The following PRPF39 variants were observed in gnomAD, a reference collection of about 807,000 sequenced individuals.
PRPF39 encodes pre-mRNA-processing factor 39.
PRPF39 carries 27 observed loss-of-function variants against 82.1 expected under a neutral mutation model. The observed-to-expected ratio is 0.33, with a 90% CI of 0.24 to 0.45. PRPF39 has a LOEUF of 0.45. Ranked by LOEUF, PRPF39 falls within the 20% of genes least tolerant of loss-of-function variation. The pLI, the probability that PRPF39 is intolerant of heterozygous loss-of-function variation, is 1.00. For synonymous variants in PRPF39, 261 were observed against 256.4 expected, an observed-to-expected ratio of 1.02 and a Z score of -0.17; for missense variants, 581 against 796.9, an observed-to-expected ratio of 0.73 and a Z score of 3.26.
chr14:45,110,010 A>G lies in PRPF39; in HGVS notation c.1177-84A>G. 6.3e-7 allele frequency: 1 copy of G among 1,596,480 alleles called. No individual in the cohort carries two copies. The highest frequency in any genetic ancestry group is 8.5e-7 in the Non-Finnish European group (1 of 1,170,498). ...TCAATAAAGGTGCTGAATGGGTTTAAAAATAGAATTTTATCGTTCTGTCAC... is the reference window on the plus strand; with the variant it reads ...TCAATAAAGGTGCTGAATGGGTTTAGAAATAGAATTTTATCGTTCTGTCAC... On this transcript the variant is annotated intron_variant, in intron 8 of 13. Coordinates refer to ENST00000355765, the MANE Select transcript of PRPF39 (RefSeq NM_017922.4). This position sits in a 1 kb window ranked among gnomAD's most constrained non-coding sequence, Gnocchi z 4.0.
Position 45,110,326 on chromosome 14 carries a change from T to C in PRPF39, c.1303+106T>C, listed in dbSNP as rs1372230661. ...TGGTGTAAAGCAGAGTTTGGCAAAC[T>C]TTTTCTCTAAAGGGCCAGATAGTAA... On this transcript the variant is annotated intron_variant, in intron 9 of 13. Coordinates refer to ENST00000355765, the MANE Select transcript of PRPF39 (RefSeq NM_017922.4). The surrounding 1 kb of genome is among the most constrained non-coding windows in gnomAD (Gnocchi z 4.0). 1.4e-6 allele frequency: 2 copies of C among 1,452,860 alleles called. No individual in the cohort carries two copies. The highest frequency in any genetic ancestry group is 1.9e-6 in the Non-Finnish European group (2 of 1,079,134). 90.0% of individuals were successfully genotyped at this position (1,452,860 alleles called of 1,614,324 possible). A position where few individuals can be genotyped will look rare whatever the true frequency, so the allele number is the denominator to read the frequency against.
At chr14:45,104,869 C>A (rs1392265595) in intron 5 of PRPF39, among the ~76,000 whole-genome samples, 6 of 152,136 alleles carry the variant, frequency 3.9e-5, no homozygotes, top group Non-Finnish European at 7.4e-5. Context: ...TTTCCTCTTT[C>A]CACTTGTCTA....
rs1884607263 is a variant in PRPF39 at position 45,108,547 on chromosome 14, T to C, written c.1011+25T>C. ...TGTAAGTGTTTTTGTTTTGTAATAG[T>C]CTTTAAAATACAAAGTAGGAATAAT... On this transcript the variant is annotated intron_variant, in intron 7 of 13. Transcript: ENST00000355765. 10 of 1,568,940 alleles carry C rather than the reference T, an allele frequency of 6.4e-6. No homozygotes were observed. In the East Asian group the frequency reaches 2.3e-4, roughly 36 times the overall value.
chr14:45,087,759 T>A (rs113824160), intron 1 of PRPF39, among the ~76,000 whole-genome samples: 7,938 of 148,886 alleles, frequency 0.053, 731 homozygotes, highest in African/African-American at 0.19. Context: ...TTTTTTTTTT[T>A]TGTATTTTTA....
At chr14:45,112,845 A>G (rs1462760481) in intron 11 of PRPF39, among the ~76,000 whole-genome samples, 1 of 152,228 alleles carries the variant, frequency 6.6e-6, no homozygotes, top group Non-Finnish European at 1.5e-5. Flanking sequence ...ATATAGGTCA[A>G]TAAAGATGGA....
rs757646143 is a variant in PRPF39, at chr14:45,114,910, C to G, written c.2007C>G (p.Thr669=). 1.9e-5 allele frequency: 30 copies of G among 1,591,820 alleles called. No individual in the cohort carries two copies. In the Admixed American group the frequency reaches 2.2e-4, roughly 12 times the overall value. ...NYGQYYPPPP[T] ...GACAATATTATCCTCCCCCTCCAAC[C>G]TGATGGGAAAAATGTAAATTTCAAA... The change falls in exon 14 of 14, where the codon ACC becomes ACG. Residue 669 remains threonine, a synonymous_variant. Transcript: ENST00000355765.
chr14:45,098,130 T>C (rs1317728070), intron 4 of PRPF39, among the ~76,000 whole-genome samples: 1 of 152,056 alleles, frequency 6.6e-6, no homozygotes, highest in African/African-American at 2.4e-5. Flanking sequence ...AATCCATAAA[T>C]AAGGATGGGC....
intron 2 of PRPF39, 74 bp from the exon 3 acceptor site, chr14:45,096,029 C>T (rs1436532565): frequency 7.7e-7 from 1 of 1,300,310 alleles, no homozygotes; most frequent in Non-Finnish European, 1.1e-6. Context: ...TAGATAATAA[C>T]GTTTGAAAGG....
At position 45,109,917 on chromosome 14, in the gene PRPF39, T is replaced by G. The variant is rs1055501163; in HGVS notation, c.1176+137T>G. ...AGGAGATGGTCTGCTTGCAACCAGA[T>G]TTGACTGCTGCATATGCCAACCTCG... On this transcript the variant is annotated intron_variant, in intron 8 of 13. Transcript: ENST00000355765. The G allele has an allele frequency of 7.9e-6, 12 of 1,517,854 alleles. No individual in the cohort carries two copies. The Admixed American group carries it at 2.7e-4, about 34-fold the overall frequency. 94.0% of individuals were successfully genotyped at this position (1,517,854 alleles called of 1,614,324 possible).
At chr14:45,094,821 A>G (rs968685966) in intron 1 of PRPF39, among the ~76,000 whole-genome samples, 1 of 152,192 alleles carries the variant, frequency 6.6e-6, no homozygotes, top group Non-Finnish European at 1.5e-5. Flanking sequence ...AGCCTCCAGA[A>G]CAGTTGTTAA....
At chr14:45,096,349 A>G (rs1016617447) in intron 3 of PRPF39, 121 bp downstream of exon 3, 21 of 1,526,630 alleles carry the variant, frequency 1.4e-5, no homozygotes, top group East Asian at 5.1e-5. Context: ...TGGTCAAACA[A>G]TTTTTATAGG....
At chr14:45,086,088 T>G (rs923807479) in intron 1 of PRPF39, among the ~76,000 whole-genome samples, 9 of 152,108 alleles carry the variant, frequency 5.9e-5, no homozygotes, top group Non-Finnish European at 1.0e-4. Flanking sequence ...GGATTACAGA[T>G]GCGCGCCACC....
chr14:45,090,489 T>C (rs1883986899), intron 1 of PRPF39, among the ~76,000 whole-genome samples: 1 of 152,222 alleles, frequency 6.6e-6, no homozygotes, highest in African/African-American at 2.4e-5. Context: ...TCATTCTGTG[T>C]CTCTCTTATC....
chr14:45,094,030 CT>C, intron 1 of PRPF39, among the ~76,000 whole-genome samples: 1 of 152,020 alleles, frequency 6.6e-6, no homozygotes, highest in African/African-American at 2.4e-5. Flanking sequence ...AGATATAGGT[CT>C]TTTTTATGTT....
At chr14:45,112,574 TTAGTA>T (rs1352755476) in intron 11 of PRPF39, 72 bp downstream of exon 11, 156 of 1,307,246 alleles carry the variant, frequency 1.2e-4, no homozygotes, top group Middle Eastern at 5.3e-4. Context: ...GATTTGATGA[TTAGTA>T]TAGATTAATA....
intron 4 of PRPF39, among the ~76,000 whole-genome samples, chr14:45,099,995 G>C (rs772981017): frequency 1.3e-5 from 2 of 152,040 alleles, no homozygotes; most frequent in Non-Finnish European, 2.9e-5. Context: ...ATATGAGCCA[G>C]GCACAGTGGA....
intron 1 of PRPF39, among the ~76,000 whole-genome samples, chr14:45,090,233 A>G (rs1353995285): frequency 1.3e-5 from 2 of 152,254 alleles, no homozygotes; most frequent in East Asian, 1.9e-4. Flanking sequence ...TAAATTTACA[A>G]GTTACTTTGC....
In PRPF39 at chr14:45,110,444, A is replaced by G. The variant is rs1566698843; in HGVS notation, c.1304-105A>G. On this transcript the variant is annotated intron_variant, in intron 9 of 13. Transcript: ENST00000355765. The surrounding 1 kb of genome is among the most constrained non-coding windows in gnomAD (Gnocchi z 4.0). ...TAAATATGCATGGCTGTTTCCCATT[A>G]TTAGTTGCTGGATTTAGCCCATGGG... 9 of 1,276,032 alleles carry G rather than the reference A, an allele frequency of 7.1e-6. No individual in the cohort carries two copies. Among genetic ancestry groups the G allele is most frequent in the Non-Finnish European group, 8.6e-6 (8 of 931,316 alleles). 79.0% of individuals were successfully genotyped at this position (1,276,032 alleles called of 1,614,324 possible).
intron 4 of PRPF39, among the ~76,000 whole-genome samples, chr14:45,097,495 T>C (rs1436315497): frequency 2.0e-5 from 3 of 152,206 alleles, no homozygotes; most frequent in Non-Finnish European, 2.9e-5. Flanking sequence ...TAGAATGCAC[T>C]AGAAATGGAA....
Sources: gnomAD v4.1 joint callset for allele counts (sites outside exome capture counted in the v4.1 genomes callset) on GRCh38, gnomAD v4.1.1 for gene constraint, Gnocchi (gnomAD v3.1) non-coding constraint, MANE v1.5 for transcripts, NCBI Gene and HGNC (gene_info 2026-07-23, HGNC 2026-07-21) for gene names.